Variants in KIF26B observed in about 807,000 individuals in gnomAD.
KIF26B encodes kinesin family member 26B, also known as kinesin-like protein KIF26B.
Under a neutral mutation model 151.2 loss-of-function variants are expected in KIF26B, and 63 were observed. The ratio of observed to expected loss-of-function variants is 0.42; its 90% CI spans 0.34 to 0.51. The LOEUF is 0.51. KIF26B is among the 20% of genes least tolerant of loss of function. The probability of loss-of-function intolerance (pLI) is 0.07; values close to 1 mark genes in which losing one functional copy is unlikely to be tolerated. For synonymous variants in KIF26B, 1,357 were observed against 1,262.1 expected, an observed-to-expected ratio of 1.08 and a Z score of -1.59; for missense variants, 2,813 against 2,913.6, an observed-to-expected ratio of 0.97 and a Z score of 0.79.
intron 10 of KIF26B, among the ~76,000 whole-genome samples, chr1:245,652,150 G>GAC (rs2044026094): frequency 7.7e-6 from 1 of 130,440 alleles, no homozygotes; most frequent in Non-Finnish European, 1.7e-5. Flanking sequence ...GTGTGTGAGA[G>GAC]AGACATATGC....
At position 245,304,157 on chromosome 1, in the gene KIF26B, G is replaced by A. The variant is rs949572091; in HGVS notation, c.466-62677G>A. On this transcript the variant is annotated intron_variant, in intron 2 of 14. Coordinates refer to ENST00000407071, the MANE Select transcript of KIF26B (RefSeq NM_018012.4). Reference sequence around the variant, plus strand: ...ACACTGTCTTTGGGAGAAAGAAAAAGTACTAATAACAAATAAATCTGATGG... The same window carrying A: ...ACACTGTCTTTGGGAGAAAGAAAAAATACTAATAACAAATAAATCTGATGG... Among the ~76,000 whole-genome samples, 15 of 152,178 alleles carry A rather than the reference G, an allele frequency of 9.9e-5. 1 individual carries two copies. Among genetic ancestry groups the A allele is most frequent in the African/African-American group, 2.9e-4 (12 of 41,430 alleles).
chr1:245,229,378 G>A (rs1489565637), intron 2 of KIF26B, among the ~76,000 whole-genome samples: 3 of 152,152 alleles, frequency 2.0e-5, no homozygotes, highest in Non-Finnish European at 2.9e-5. Context: ...CTAAGAGCAG[G>A]ATATTCTCTG....
At chr1:245,652,720 A>C (rs1302304460) in intron 10 of KIF26B, among the ~76,000 whole-genome samples, 1 of 151,876 alleles carries the variant, frequency 6.6e-6, no homozygotes, top group Non-Finnish European at 1.5e-5. Flanking sequence ...TGACACATGA[A>C]CTCTACACCT....
intron 2 of KIF26B, among the ~76,000 whole-genome samples, chr1:245,297,619 T>C (rs1050061784): frequency 1.3e-5 from 2 of 152,248 alleles, no homozygotes; most frequent in Non-Finnish European, 2.9e-5. Flanking sequence ...AACTATGATT[T>C]TTTAGAAAAT....
intron 5 of KIF26B, among the ~76,000 whole-genome samples, chr1:245,590,775 G>T (rs967528707): frequency 4.6e-5 from 7 of 152,042 alleles, no homozygotes; most frequent in Middle Eastern, 3.2e-3. Flanking sequence ...GGGTGTGGTT[G>T]TATGTGTGCG....
intron 2 of KIF26B, among the ~76,000 whole-genome samples, chr1:245,260,202 T>C (rs1313906734): frequency 6.6e-6 from 1 of 152,120 alleles, no homozygotes; most frequent in Non-Finnish European, 1.5e-5. Context: ...TCCCTTCATT[T>C]CCCATAGGCT....
At position 245,512,601 on chromosome 1, in the gene KIF26B, C is replaced by A. The variant is rs1415743012; in HGVS notation, c.1167-28166C>A. 1.3e-5 allele frequency among the ~76,000 whole-genome samples: 2 copies of A among 152,198 alleles called. No individual in the cohort carries two copies. Among genetic ancestry groups the A allele is most frequent in the African/African-American group, 4.8e-5 (2 of 41,452 alleles). On this transcript the variant is annotated intron_variant, in intron 4 of 14. Transcript: ENST00000407071. This position sits in a 1 kb window ranked among gnomAD's most constrained non-coding sequence, Gnocchi z 4.3. ...GGATCAGCCTAAACCCAAATGAAAT[C>A]CCCAAACTCCACTCGGATTCCTGCT...
At chr1:245,215,272 G>T (rs1669621384) in intron 2 of KIF26B, among the ~76,000 whole-genome samples, 1 of 152,144 alleles carries the variant, frequency 6.6e-6, no homozygotes, top group South Asian at 2.1e-4. Flanking sequence ...TTGGTGACCA[G>T]CCAGGTGCCC....
intron 3 of KIF26B, among the ~76,000 whole-genome samples, chr1:245,418,676 TC>T (rs1469214185): frequency 2.0e-5 from 3 of 152,216 alleles, no homozygotes; most frequent in Non-Finnish European, 4.4e-5. Flanking sequence ...TAAAGTTTCC[TC>T]TTTTTTAAAA....
intron 14 of KIF26B, among the ~76,000 whole-genome samples, chr1:245,701,383 G>A (rs1009486342): frequency 2.6e-5 from 4 of 152,308 alleles, no homozygotes; most frequent in South Asian, 4.2e-4. Flanking sequence ...GTAGTCTGAT[G>A]TGGTCATAGA....
chr1:245,344,122 T>C lies in KIF26B; in HGVS notation c.466-22712T>C, dbSNP rs74587649. On this transcript the variant is annotated intron_variant, in intron 2 of 14. Transcript: ENST00000407071. ...CTCTTTTCTTTCTTTCCTTCTCTTTTTTCCTTTCTTTCTCTCCCTGTTTCT... is the reference window on the plus strand; with the variant it reads ...CTCTTTTCTTTCTTTCCTTCTCTTTCTTCCTTTCTTTCTCTCCCTGTTTCT... 7.0e-3 allele frequency among the ~76,000 whole-genome samples: 1,047 copies of C among 150,228 alleles called. 15 individuals are homozygous for C. The highest frequency in any genetic ancestry group is 0.025 in the African/African-American group (1,002 of 40,470).
At chr1:245,467,627 G>A (rs907186638) in intron 4 of KIF26B, among the ~76,000 whole-genome samples, 1 of 152,178 alleles carries the variant, frequency 6.6e-6, no homozygotes, top group African/African-American at 2.4e-5. Context: ...GGGCGCGGTG[G>A]CTCATGCCTG....
At position 245,611,891 on chromosome 1, in the gene KIF26B, T is replaced by C; in HGVS notation, c.2013T>C (p.Cys671=). Residue 671 remains cysteine, a synonymous_variant, in exon 9 of 15, where the codon TGT becomes TGC. Coordinates refer to ENST00000407071, the MANE Select transcript of KIF26B (RefSeq NM_018012.4). Reference sequence around the variant, plus strand: ...CCCGCAGGAGCCACCAACAGGACTGTGATGAGGACGACCACCGCAACTCAC... The same window carrying C: ...CCCGCAGGAGCCACCAACAGGACTGCGATGAGGACGACCACCGCAACTCAC... ...IASRRSHQQD[C]DEDDHRNSHV... is the part of the protein sequence containing the mutation. 1.2e-6 allele frequency: 2 copies of C among 1,613,068 alleles called. No homozygotes were observed. Among genetic ancestry groups the C allele is most frequent in the Middle Eastern group, 3.3e-4 (2 of 6,060 alleles).
At chr1:245,433,651 T>C (rs1442693130) in intron 4 of KIF26B, among the ~76,000 whole-genome samples, 1 of 152,198 alleles carries the variant, frequency 6.6e-6, no homozygotes, top group Non-Finnish European at 1.5e-5. Flanking sequence ...GACTCAGCAG[T>C]GCACCATTTC....
chr1:245,665,531 AT>A (rs202040240), intron 10 of KIF26B, among the ~76,000 whole-genome samples: 1,699 of 152,288 alleles, frequency 0.011, 28 homozygotes, highest in Non-Finnish European at 0.017. Flanking sequence ...TTCATAAAAA[AT>A]TTTTGTAGTT....
intron 2 of KIF26B, among the ~76,000 whole-genome samples, chr1:245,209,802 T>TG (rs1216846402): frequency 4.6e-5 from 7 of 152,188 alleles, no homozygotes; most frequent in Non-Finnish European, 7.4e-5. Flanking sequence ...AAACAGGGCC[T>TG]GGGGGTCTTG....
At chr1:245,577,814 C>A (rs1486079114) in intron 5 of KIF26B, among the ~76,000 whole-genome samples, 1 of 149,162 alleles carries the variant, frequency 6.7e-6, no homozygotes, top group Non-Finnish European at 1.5e-5. Context: ...TTGTGGAACT[C>A]CGGGCGATGC....
intron 2 of KIF26B, among the ~76,000 whole-genome samples, chr1:245,179,017 A>G (rs1382772449): frequency 6.6e-6 from 1 of 151,756 alleles, no homozygotes; most frequent in East Asian, 1.9e-4. Flanking sequence ...TTTAAGCTGT[A>G]TACAAATGTT....
At chr1:245,342,953 G>A (rs1175884705) in intron 2 of KIF26B, among the ~76,000 whole-genome samples, 2 of 152,022 alleles carry the variant, frequency 1.3e-5, no homozygotes, top group African/African-American at 4.8e-5. Context: ...GAGTGTGGTG[G>A]TGGGCGCCTG....
Sources: gnomAD v4.1 joint callset for allele counts (sites outside exome capture counted in the v4.1 genomes callset) on GRCh38, gnomAD v4.1.1 for gene constraint, Gnocchi (gnomAD v3.1) non-coding constraint, MANE v1.5 for transcripts, NCBI Gene and HGNC (gene_info 2026-07-23, HGNC 2026-07-21) for gene names.